Variants in GTF2A1L observed in about 807,000 individuals in gnomAD.
GTF2A1L encodes the protein general transcription factor IIA subunit 1 like, also known as TFIIA-alpha and beta-like factor.
GTF2A1L carries 48 observed loss-of-function variants against 49.7 expected under a neutral mutation model. The ratio of observed to expected loss-of-function variants is 0.97; its 90% CI spans 0.77 to 1.23. The LOEUF (loss-of-function observed/expected upper bound fraction) is 1.23. Ranked by LOEUF, GTF2A1L falls within the 50% of genes most tolerant of loss-of-function variation. GTF2A1L has a pLI of 0.00. For missense variants in GTF2A1L, 736 were observed against 564.8 expected, an observed-to-expected ratio of 1.30 and a Z score of -3.07; for synonymous variants, 246 against 193.5, an observed-to-expected ratio of 1.27 and a Z score of -2.25.
intron 8 of GTF2A1L, among the ~76,000 whole-genome samples, chr2:48,677,184 C>G (rs1200025124): frequency 6.6e-6 from 1 of 151,730 alleles, no homozygotes; most frequent in Admixed American, 6.6e-5. Context: ...CCTGGATATT[C>G]TTGTTCATTT....
At chr2:48,629,346 A>G (rs1418331693) in intron 3 of GTF2A1L, among the ~76,000 whole-genome samples, 1 of 144,700 alleles carries the variant, frequency 6.9e-6, no homozygotes, top group African/African-American at 2.5e-5. Context: ...GCAAGGGTTT[A>G]AAAAGGTAAA....
chr2:48,621,800 A>G (rs1293489468), intron 3 of GTF2A1L, among the ~76,000 whole-genome samples: 1 of 152,206 alleles, frequency 6.6e-6, no homozygotes, highest in African/African-American at 2.4e-5. Context: ...ATGTGCATTT[A>G]TCTTTATTCT....
intron 4 of GTF2A1L, 140 bp from the exon 5 acceptor site, chr2:48,644,893 A>G (rs145543158): frequency 0.012 from 7,932 of 654,662 alleles, 89 homozygotes; most frequent in Admixed American, 0.031. Context: ...TTATTCAAAG[A>G]ACTCAGCCCT....
chr2:48,618,098 G>A (rs976181507), intron 1 of GTF2A1L: 7 of 555,078 alleles, frequency 1.3e-5, no homozygotes, highest in Non-Finnish European at 1.6e-5. Context: ...AGTTGGGCCA[G>A]CCCCGCCAAA....
chr2:48,667,058 G>A (rs538661277), intron 6 of GTF2A1L, among the ~76,000 whole-genome samples: 4 of 151,962 alleles, frequency 2.6e-5, no homozygotes, highest in Admixed American at 2.6e-4. Context: ...CAACCTCCCT[G>A]GGCTCAGGTG....
At chr2:48,670,092 T>C in intron 7 of GTF2A1L, 110 bp downstream of exon 7, 1 of 1,444,558 alleles carries the variant, frequency 6.9e-7, no homozygotes, top group Non-Finnish European at 9.1e-7. Context: ...TTTACTCTTT[T>C]GAAATAAGAC....
At chr2:48,650,658 C>T (rs909180013) in intron 6 of GTF2A1L, among the ~76,000 whole-genome samples, 1 of 151,870 alleles carries the variant, frequency 6.6e-6, no homozygotes, top group Non-Finnish European at 1.5e-5. Context: ...ATGTTTAAAC[C>T]AGATATGTGA....
intron 6 of GTF2A1L, among the ~76,000 whole-genome samples, chr2:48,664,228 C>A (rs77786964): frequency 0.028 from 4,218 of 151,778 alleles, 179 homozygotes; most frequent in African/African-American, 0.095. Context: ...AGCATTCTAT[C>A]TTTCACCAAG....
At chr2:48,666,211 CT>C (rs112657393) in intron 6 of GTF2A1L, among the ~76,000 whole-genome samples, 6,076 of 143,534 alleles carry the variant, frequency 0.042, 392 homozygotes, top group African/African-American at 0.14. Context: ...TTCTTTCTTT[CT>C]TTTTTTTTTT....
At chr2:48,626,790 T>C (rs1572698950) in intron 3 of GTF2A1L, among the ~76,000 whole-genome samples, 1 of 144,554 alleles carries the variant, frequency 6.9e-6, no homozygotes. Context: ...CCCAGGCTGG[T>C]CTCAAACTCC....
At chr2:48,668,630 C>T (rs1678987968) in intron 6 of GTF2A1L, 1 of 152,062 alleles carries the variant, frequency 6.6e-6, no homozygotes, top group Non-Finnish European at 1.5e-5. Context: ...AGCAGATCTA[C>T]ATCATCCTGG....
intron 8 of GTF2A1L, among the ~76,000 whole-genome samples, chr2:48,678,807 C>A (rs1027692259): frequency 6.6e-6 from 1 of 151,878 alleles, no homozygotes; most frequent in Non-Finnish European, 1.5e-5. Context: ...CCTGTTTATT[C>A]CTTTGCAGAC....
intron 6 of GTF2A1L, among the ~76,000 whole-genome samples, chr2:48,668,412 C>G (rs549894098): frequency 2.6e-5 from 4 of 152,130 alleles, no homozygotes; most frequent in Non-Finnish European, 5.9e-5. Context: ...GCTATAGATT[C>G]TGAAGCATAT....
chr2:48,650,486 A>G (rs1338672034), intron 6 of GTF2A1L, among the ~76,000 whole-genome samples: 1 of 152,170 alleles, frequency 6.6e-6, no homozygotes, highest in Non-Finnish European at 1.5e-5. Context: ...AAGAGAATAT[A>G]TAACTTCTAA....
intron 6 of GTF2A1L, 22 bp downstream of exon 6, chr2:48,647,064 C>T (rs773957332): frequency 5.2e-6 from 8 of 1,551,938 alleles, no homozygotes; most frequent in Non-Finnish European, 6.1e-6. Context: ...TGTCCAACTT[C>T]TTGGTATCAG....
intron 6 of GTF2A1L, among the ~76,000 whole-genome samples, chr2:48,650,363 G>T (rs1175352499): frequency 1.3e-5 from 2 of 152,022 alleles, no homozygotes; most frequent in Non-Finnish European, 2.9e-5. Flanking sequence ...CTGGAATGAG[G>T]CTTAGTCATC....
chr2:48,644,946 G>A, intron 4 of GTF2A1L, 87 bp from the exon 5 acceptor site: 1 of 1,205,888 alleles, frequency 8.3e-7, no homozygotes. Flanking sequence ...TCCAGAATCA[G>A]ATTTTTTGAC....
chr2:48,678,487 T>C (rs1461647817), intron 8 of GTF2A1L, among the ~76,000 whole-genome samples: 1 of 152,068 alleles, frequency 6.6e-6, no homozygotes, highest in Non-Finnish European at 1.5e-5. Context: ...ATTTGACTAT[T>C]TGTAGTCAAC....
intron 3 of GTF2A1L, among the ~76,000 whole-genome samples, chr2:48,624,460 AT>A (rs1676190744): frequency 4.4e-5 from 1 of 22,820 alleles, no homozygotes; most frequent in Admixed American, 8.4e-4. Context: ...GTGCTTTGAT[AT>A]AGATAGATAG....
Sources: allele counts gnomAD v4.1 joint callset (sites outside exome capture counted in the v4.1 genomes callset), GRCh38; gene constraint gnomAD v4.1.1; transcripts MANE v1.5; gene names NCBI Gene and HGNC (gene_info 2026-07-23, HGNC 2026-07-21).